MPDZ: variants seen among roughly 807,000 people sequenced by gnomAD.
MPDZ encodes multiple PDZ domain crumbs cell polarity complex component, also known as multiple PDZ domain protein.
A neutral mutation model predicts 239.1 loss-of-function variants in MPDZ; 234 were observed. That is an observed-to-expected ratio of 0.98 (90% CI 0.88 to 1.09). MPDZ has a LOEUF of 1.09. Among genes scored for constraint, MPDZ ranks in the 50% least tolerant of loss-of-function variants. The pLI is 0.00. For synonymous variants in MPDZ, 1,048 were observed against 881.3 expected, an observed-to-expected ratio of 1.19 and a Z score of -3.35; for missense variants, 3,175 against 2,510.0, an observed-to-expected ratio of 1.26 and a Z score of -5.66.
chr9:13,196,014 C>T (rs530652146), intron 13 of MPDZ, 107 bp downstream of exon 13: 14 of 719,406 alleles, frequency 1.9e-5, no homozygotes, highest in African/African-American at 1.8e-4. Flanking sequence ...AAGGCCTGTA[C>T]ATTTGATTCT....
chr9:13,199,393 C>A (rs905117955), intron 12 of MPDZ, among the ~76,000 whole-genome samples: 1 of 151,848 alleles, frequency 6.6e-6, no homozygotes, highest in Non-Finnish European at 1.5e-5. Context: ...CAGTTCTAAC[C>A]ATTTTTGGTG....
At chr9:13,148,565 C>T (rs1380805262) in intron 25 of MPDZ, among the ~76,000 whole-genome samples, 1 of 151,880 alleles carries the variant, frequency 6.6e-6, no homozygotes, top group Non-Finnish European at 1.5e-5. Context: ...ACTTAGATGA[C>T]AATATTTTTT....
At chr9:13,108,764 C>G (rs1164364758) in intron 46 of MPDZ, among the ~76,000 whole-genome samples, 172 bp downstream of exon 46, 4 of 151,906 alleles carry the variant, frequency 2.6e-5, no homozygotes, top group African/African-American at 9.7e-5. Flanking sequence ...ATAATGAAAC[C>G]TCAAATTGGA....
chr9:13,207,417 T>C (rs1267400806), intron 10 of MPDZ, among the ~76,000 whole-genome samples: 1 of 152,120 alleles, frequency 6.6e-6, no homozygotes, highest in Non-Finnish European at 1.5e-5. Flanking sequence ...TCTCTGCCCC[T>C]CAGCCACAGA....
chr9:13,124,876 T>A (rs1944890698), intron 35 of MPDZ, among the ~76,000 whole-genome samples: 1 of 152,194 alleles, frequency 6.6e-6, no homozygotes, highest in Admixed American at 6.5e-5. Context: ...TCTAATTCAT[T>A]AGTTAGAGGC....
At chr9:13,168,171 A>C (rs1251940669) in intron 22 of MPDZ, among the ~76,000 whole-genome samples, 195 bp downstream of exon 22, 1 of 152,164 alleles carries the variant, frequency 6.6e-6, no homozygotes, top group East Asian at 1.9e-4. Flanking sequence ...CCAAATTTTT[A>C]ATACTGATAT....
chr9:13,175,701 C>T lies in MPDZ; in HGVS notation c.3055+51G>A, dbSNP rs1952379431. 5.3e-6 allele frequency: 8 copies of T among 1,503,798 alleles called. No individual in the cohort carries two copies. In the Middle Eastern group the frequency reaches 5.2e-4, roughly 98 times the overall value. 93.2% of individuals were successfully genotyped at this position (1,503,798 alleles called of 1,614,324 possible). ...GAAATTTACCATGTTCAATATTTCC[C>T]CTTGTCAAGGGGGTTGAGGAGTAGG... On this transcript the variant is annotated intron_variant, in intron 21 of 46. Transcript: ENST00000319217.
At chr9:13,200,567 C>T (rs1051128380) in intron 12 of MPDZ, among the ~76,000 whole-genome samples, 2 of 151,950 alleles carry the variant, frequency 1.3e-5, no homozygotes, top group Non-Finnish European at 2.9e-5. Context: ...ATAAACTTCC[C>T]TCTCAGAACT....
Position 13,133,804 on chromosome 9 carries a change from C to T in MPDZ, c.4464+20G>A, listed in dbSNP as rs781323106. 1.3e-6 allele frequency: 2 copies of T among 1,540,810 alleles called. No individual in the cohort carries two copies. Among genetic ancestry groups the T allele is most frequent in the Non-Finnish European group, 1.8e-6 (2 of 1,117,252 alleles). On this transcript the variant is annotated intron_variant, in intron 32 of 46. Transcript: ENST00000319217. ...GTAAAGGAACTCACATCATTTCATT[C>T]CAATTCAAAGCAGATTTACCTTGGG...
chr9:13,128,002 A>T (rs1945369554), intron 32 of MPDZ, among the ~76,000 whole-genome samples: 1 of 152,166 alleles, frequency 6.6e-6, no homozygotes, highest in African/African-American at 2.4e-5. Flanking sequence ...CTGATTGTTT[A>T]CCTAATACTG....
At chr9:13,244,870 T>C (rs1028903575) in intron 3 of MPDZ, among the ~76,000 whole-genome samples, 2 of 152,152 alleles carry the variant, frequency 1.3e-5, no homozygotes, top group African/African-American at 4.8e-5. Flanking sequence ...ATATGCTGCA[T>C]ATACCTCAAG....
intron 10 of MPDZ, among the ~76,000 whole-genome samples, chr9:13,208,811 G>A (rs1258781383): frequency 1.3e-5 from 2 of 152,030 alleles, no homozygotes; most frequent in Admixed American, 6.6e-5. Context: ...CTCATACTCT[G>A]TCAGTTCCTT....
chr9:13,128,651 C>T (rs1030570961), intron 32 of MPDZ, among the ~76,000 whole-genome samples: 3 of 152,172 alleles, frequency 2.0e-5, no homozygotes, highest in Admixed American at 6.5e-5. Context: ...GGGGTTTGAA[C>T]AACTGAAGTC....
intron 23 of MPDZ, 52 bp downstream of exon 23, chr9:13,162,639 T>G: frequency 8.2e-7 from 1 of 1,219,924 alleles, no homozygotes; most frequent in Non-Finnish European, 1.2e-6. Flanking sequence ...AATTCCAAAT[T>G]CTCTACAACT....
chr9:13,130,420 A>G (rs763661269), intron 32 of MPDZ, among the ~76,000 whole-genome samples: 28 of 148,652 alleles, frequency 1.9e-4, no homozygotes, highest in Admixed American at 3.4e-4. Context: ...CATGTACGGC[A>G]CATAACCGTT....
chr9:13,179,438 C>G (rs1048952685), intron 19 of MPDZ, among the ~76,000 whole-genome samples: 2 of 152,114 alleles, frequency 1.3e-5, no homozygotes, highest in Non-Finnish European at 2.9e-5. Flanking sequence ...AATGGTATAA[C>G]AGTCCCATGC....
At chr9:13,145,350 T>C (rs1948293810) in intron 26 of MPDZ, among the ~76,000 whole-genome samples, 1 of 152,002 alleles carries the variant, frequency 6.6e-6, no homozygotes, top group Admixed American at 6.6e-5. Flanking sequence ...GAAAATGTGG[T>C]CAGACTGAAT....
chr9:13,141,304 G>T (rs1439408552), intron 27 of MPDZ, among the ~76,000 whole-genome samples: 3 of 152,066 alleles, frequency 2.0e-5, no homozygotes, highest in South Asian at 4.1e-4. Flanking sequence ...GAGGCTACAA[G>T]AAATGAAAGT....
Position 13,143,523 on chromosome 9 carries a change from C to A in MPDZ, c.3783G>T (p.Lys1261Asn). 6.2e-7 allele frequency: 1 copy of A among 1,612,976 alleles called. No homozygotes were observed. Residue 1261 changes from lysine to asparagine, a missense_variant, in exon 27 of 47, where the codon AAG becomes AAT. Transcript: ENST00000319217. ...LPSLLHNLYP[K>N]YNFSSTNPFA... Reference sequence around the variant, plus strand: ...ATGGGTTAGTGCTGCTGAAGTTGTACTTAGGGTAAAGGTTGTGCAGCAAGG... The same window carrying A: ...ATGGGTTAGTGCTGCTGAAGTTGTAATTAGGGTAAAGGTTGTGCAGCAAGG...
Sources: allele counts gnomAD v4.1 joint callset (sites outside exome capture counted in the v4.1 genomes callset), GRCh38; gene constraint gnomAD v4.1.1; transcripts MANE v1.5; gene names NCBI Gene and HGNC (gene_info 2026-07-23, HGNC 2026-07-21).